Variants in PGLS observed in about 807,000 individuals in gnomAD.
The protein encoded by PGLS is 6-phosphogluconolactonase, also known as epididymis secretory protein Li 304.
A neutral mutation model predicts 23.2 loss-of-function variants in PGLS; 21 were observed. That is an observed-to-expected ratio of 0.91 (90% confidence interval 0.64 to 1.31). PGLS has a LOEUF of 1.31. Among genes scored for constraint, PGLS ranks in the 50% most tolerant of loss-of-function variants. The pLI is 0.00. For missense variants in PGLS, 410 were observed against 354.0 expected (o/e 1.16, Z -1.27); for synonymous variants, 179 against 165.4 (o/e 1.08, Z -0.63).
chr19:17,514,419 TTCCTTCCC>T (rs946616833), intron 1 of PGLS, among the ~76,000 whole-genome samples: 2 of 152,156 alleles, frequency 1.3e-5, no homozygotes, highest in Admixed American at 6.6e-5. Context: ...ATTTCCTTCC[TTCCTTCCC>T]TCCTTCCCTC....
intron 4 of PGLS, 33 bp from the exon 5 acceptor site, chr19:17,520,911 G>C (rs181859054): frequency 1.3e-6 from 2 of 1,546,616 alleles, no homozygotes; most frequent in Non-Finnish European, 8.8e-7. Context: ...CTGGGCCGCA[G>C]GCAGGGCCTT....
chr19:17,517,973 T>G, intron 4 of PGLS, 123 bp downstream of exon 4: 1 of 916,446 alleles, frequency 1.1e-6, no homozygotes, highest in Non-Finnish European at 1.5e-6. Context: ...CATTCTTGGG[T>G]TGAAAGGTAA....
At chr19:17,516,336 G>A (rs781282588) in intron 2 of PGLS, 56 bp downstream of exon 2, 27 of 1,570,440 alleles carry the variant, frequency 1.7e-5, no homozygotes, top group South Asian at 1.2e-4. Flanking sequence ...GCCACACCCC[G>A]GGCAACAGAG....
At position 17,521,177 on chromosome 19, in the gene PGLS, C is replaced by T; in HGVS notation, c.*96C>T. 2 of 1,295,508 alleles carry T rather than the reference C, an allele frequency of 1.5e-6. No homozygotes were observed. The highest frequency in any genetic ancestry group is 3.0e-5 in the African/African-American group (2 of 65,928). The allele number at this position is 1,295,508 out of a possible 1,614,324, so 80.3% of individuals were successfully genotyped here. A position where few individuals can be genotyped will look rare whatever the true frequency, so the allele number is the denominator to read the frequency against. ...TCTCCGGGCTCTCCTTTCAAAAAGC[C>T]ACGTCGTGCTGCTGCTGGAAGCCAA... On this transcript the variant is annotated 3_prime_UTR_variant, in exon 5 of 5. Transcript: ENST00000252603.
intron 2 of PGLS, among the ~76,000 whole-genome samples, chr19:17,516,856 G>T (rs1364314772): frequency 2.7e-5 from 4 of 150,464 alleles, no homozygotes; most frequent in Admixed American, 6.6e-5. Context: ...AAAGTGCTGG[G>T]ATTATAGGCG....
At chr19:17,517,971 G>T (rs2075541194) in intron 4 of PGLS, 121 bp downstream of exon 4, 2 of 915,904 alleles carry the variant, frequency 2.2e-6, no homozygotes, top group East Asian at 3.0e-5. Flanking sequence ...GTCATTCTTG[G>T]GTTGAAAGGT....
intron 1 of PGLS, chr19:17,515,926 T>C: frequency 2.7e-6 from 1 of 374,746 alleles, no homozygotes; most frequent in Non-Finnish European, 5.1e-6. Flanking sequence ...CTCTTGCCCT[T>C]GAACCTCCTC....
rs1445449379 is a variant in PGLS at position 17,516,249 on chromosome 19, C to T, written c.365C>T (p.Ala122Val). Reference protein sequence around the residue: ...TINPELPVEEAAEDYAKKLRQ... With the variant: ...TINPELPVEEVAEDYAKKLRQ... The stretch of plus-strand genomic sequence containing the variant: ...AACCCCGAGCTGCCTGTGGAGGAGG[C>T]GGCTGAGGACTACGCCAAGAAGCTG... The change falls in exon 2 of 5, where the codon GCG becomes GTG. Residue 122 changes from alanine (A) to valine (V), a missense_variant. Physicochemically the swap from Ala to Val is moderately conservative, Grantham distance 64 (BLOSUM62 0). Transcript: ENST00000252603. 32 of 1,613,744 alleles carry T rather than the reference C, an allele frequency of 2.0e-5. No individual in the cohort carries two copies. The highest frequency in any genetic ancestry group is 3.3e-4 in the Middle Eastern group (2 of 6,080).
chr19:17,516,049 C>T, intron 1 of PGLS, 124 bp from the exon 2 acceptor site: 1 of 699,248 alleles, frequency 1.4e-6, no homozygotes, highest in African/African-American at 1.8e-5. Context: ...ACAAATGCAC[C>T]AGCCTCCCCA....
Position 17,517,495 on chromosome 19 carries a change from G to A in PGLS, c.498+106G>A. 5 of 1,005,740 alleles carry A rather than the reference G, an allele frequency of 5.0e-6. No individual in the cohort carries two copies. In the South Asian group the frequency reaches 5.8e-5, roughly 12 times the overall value. 62.3% of individuals were successfully genotyped at this position (1,005,740 alleles called of 1,614,324 possible). ...GCCGGGTGGGGTGTCTAGAGCCAGG[G>A]TTCAAGTCAGCCTCCACCAACATAC... On this transcript the variant is annotated intron_variant, in intron 3 of 4. Coordinates refer to ENST00000252603, the MANE Select transcript of PGLS (RefSeq NM_012088.3).
At position 17,511,725 on chromosome 19, in the gene PGLS, T is replaced by C. The variant is rs1019372005; in HGVS notation, c.53T>C (p.Leu18Pro). 2 of 1,508,764 alleles carry C rather than the reference T, an allele frequency of 1.3e-6. No homozygotes were observed. Among genetic ancestry groups the C allele is most frequent in the Non-Finnish European group, 8.8e-7 (1 of 1,135,472 alleles). The allele number at this position is 1,508,764 out of a possible 1,614,324, so 93.5% of individuals were successfully genotyped here. The change falls in exon 1 of 5, where the codon CTG becomes CCG. Residue 18 changes from leucine (L) to proline (P), a missense_variant. Coordinates refer to ENST00000252603, the MANE Select transcript of PGLS (RefSeq NM_012088.3). The stretch of plus-strand genomic sequence containing the variant: ...TCGGTGTTCTCGAGTTCCCAGGAGC[T>C]GGGTGCGGCGCTAGCGCAGCTGGTG... ...LISVFSSSQE[L>P]GAALAQLVAQ...
intron 1 of PGLS, chr19:17,512,417 G>A: frequency 5.7e-6 from 1 of 174,206 alleles, no homozygotes; most frequent in Non-Finnish European, 1.2e-5. Context: ...GCCAGGCAGA[G>A]GGAACGGCAC....
At position 17,517,931 on chromosome 19, in the gene PGLS, T is replaced by G. The variant is rs533639147; in HGVS notation, c.639+81T>G. 7.1e-6 allele frequency: 10 copies of G among 1,407,904 alleles called. No homozygotes were observed. The African/African-American group carries it at 1.3e-4, about 18-fold the overall frequency. 87.2% of individuals were successfully genotyped at this position (1,407,904 alleles called of 1,614,324 possible). A position where few individuals can be genotyped will look rare whatever the true frequency, so the allele number is the denominator to read the frequency against. The stretch of plus-strand genomic sequence containing the variant: ...CAGAAAATGGCCCCAGACATTATTG[T>G]GCTGAAGCATCAGATCTGAAGAAAA... On this transcript the variant is annotated intron_variant, in intron 4 of 4. Coordinates refer to ENST00000252603, the MANE Select transcript of PGLS (RefSeq NM_012088.3).
intron 3 of PGLS, 91 bp downstream of exon 3, chr19:17,517,480 G>T: frequency 9.2e-7 from 1 of 1,090,692 alleles, no homozygotes. Context: ...GCCGGGTGGG[G>T]TGTCTAGAGC....
rs1166377388 is a variant in PGLS at position 17,520,933 on chromosome 19, CTCT to C, written c.640-5_640-3del. On this transcript the variant is annotated splice_region_variant and splice_polypyrimidine_tract_variant and intron_variant, in intron 4 of 4. Transcript: ENST00000252603. ...GCAGGCAGGGCCTTACTCTTCTGCC[CTCT>C]TCTTCAGCGCATTTTGGAGGACCAG... The C allele has an allele frequency of 1.3e-6, 2 of 1,587,180 alleles. No individual in the cohort carries two copies. Among genetic ancestry groups the C allele is most frequent in the East Asian group, 4.6e-5 (2 of 43,668 alleles).
Position 17,521,047 on chromosome 19 carries a change from T to G in PGLS, c.743T>G (p.Leu248Arg). 6.2e-7 allele frequency: 1 copy of G among 1,603,308 alleles called. No homozygotes were observed. The highest frequency in any genetic ancestry group is 8.5e-7 in the Non-Finnish European group (1 of 1,174,244). ...TTGGACGAGGCGGCCGCCCGCCTCC[T>G]GACCGTGCCCTTCGAGAAGCATTCC... ...WFLDEAAARL[L>R]TVPFEKHSTL Residue 248 changes from leucine to arginine, a missense_variant, in exon 5 of 5, where the codon CTG (leucine) becomes CGG (arginine). By Grantham distance (102) the Leu-to-Arg change is moderately radical (BLOSUM62 -2). Coordinates refer to ENST00000252603, the MANE Select transcript of PGLS (RefSeq NM_012088.3).
At position 17,516,184 on chromosome 19, in the gene PGLS, C is replaced by G. The variant is rs1242181901; in HGVS notation, c.300C>G (p.Leu100=). The G allele has an allele frequency of 6.2e-7, 1 of 1,613,724 alleles. No homozygotes were observed. The highest frequency in any genetic ancestry group is 1.3e-5 in the African/African-American group (1 of 74,922). ...STYGLYRTHL[L]SRLPIPESQV... ...TCTGTTGGCTGCAGACGCATCTTCT[C>G]TCCAGACTGCCGATCCCAGAAAGCC... Residue 100 remains leucine (L), a synonymous_variant, in exon 2 of 5, where the codon CTC becomes CTG. Transcript: ENST00000252603.
rs767694324 is a variant in PGLS, at chr19:17,511,861, C to T, written c.189C>T (p.Ala63=). 29 of 1,534,498 alleles carry T rather than the reference C, an allele frequency of 1.9e-5. No homozygotes were observed. Among genetic ancestry groups the T allele is most frequent in the Admixed American group, 5.9e-5 (3 of 50,532 alleles). ...MLARELPAAV[A]PAGPASLARW... ...CCCGCGAGCTACCCGCCGCCGTCGC[C>T]CCTGCCGGGCCAGCTAGCTTAGCGC... The change falls in exon 1 of 5, where the codon GCC becomes GCT. Residue 63 remains alanine (A), a synonymous_variant. Coordinates refer to ENST00000252603, the MANE Select transcript of PGLS (RefSeq NM_012088.3).
At chr19:17,520,020 C>A (rs73020484) in intron 4 of PGLS, among the ~76,000 whole-genome samples, 12 of 152,020 alleles carry the variant, frequency 7.9e-5, no homozygotes, top group Non-Finnish European at 1.8e-4. Context: ...GGGCACAGTG[C>A]CATGTGCCTG....
Sources: allele counts gnomAD v4.1 joint callset (sites outside exome capture counted in the v4.1 genomes callset), GRCh38; gene constraint gnomAD v4.1.1; transcripts MANE v1.5; gene names NCBI Gene and HGNC (gene_info 2026-07-23, HGNC 2026-07-21).